The following P2RX7 variants were observed in gnomAD, a reference collection of about 807,000 sequenced individuals.
The protein encoded by P2RX7 is purinergic receptor P2X 7, also known as P2X purinoceptor 7.
Under a neutral mutation model 71.6 loss-of-function variants are expected in P2RX7, and 62 were observed. The observed-to-expected ratio is 0.87, with a 90% CI of 0.71 to 1.07. The LOEUF (loss-of-function observed/expected upper bound fraction) is 1.07. P2RX7 is among the 50% of genes least tolerant of loss of function. The pLI is 0.00. For missense variants in P2RX7, 686 were observed against 748.5 expected (o/e 0.92, Z 0.97); for synonymous variants, 299 against 283.3 (o/e 1.06, Z -0.56).
intron 3 of P2RX7, among the ~76,000 whole-genome samples, chr12:121,158,933 T>C (rs992035664): frequency 3.9e-5 from 6 of 152,166 alleles, no homozygotes; most frequent in African/African-American, 1.4e-4. Flanking sequence ...TGGCTCTGTA[T>C]TCAAAGGGTT....
At position 121,132,983 on chromosome 12, in the gene P2RX7, T is replaced by C; in HGVS notation, c.13T>C (p.Cys5Arg). 6.2e-7 allele frequency: 1 copy of C among 1,613,876 alleles called. No homozygotes were observed. Among genetic ancestry groups the C allele is most frequent in the Non-Finnish European group, 8.5e-7 (1 of 1,179,986 alleles). The change falls in exon 1 of 13, where the codon TGC becomes CGC. Residue 5 changes from cysteine to arginine, a missense_variant. Cys to Arg is a radical substitution (Grantham distance 180, BLOSUM62 -3). Coordinates refer to ENST00000328963, the MANE Select transcript of P2RX7 (RefSeq NM_002562.6). MPAC[C>R]SCSDVFQYET... The stretch of plus-strand genomic sequence containing the variant: ...GGAGGCTGTCACCATGCCGGCCTGC[T>C]GCAGCTGCAGTGATGTTTTCCAGTA...
At chr12:121,184,264 G>A (rs1884614393) in intron 12 of P2RX7, 41 bp from the exon 13 acceptor site, 3 of 1,533,238 alleles carry the variant, frequency 2.0e-6, no homozygotes, top group South Asian at 2.6e-5. Flanking sequence ...AGAACCTGAG[G>A]GCTTGTCATG....
intron 8 of P2RX7, among the ~76,000 whole-genome samples, chr12:121,167,987 T>C (rs1180996006): frequency 6.6e-6 from 1 of 151,918 alleles, no homozygotes; most frequent in Non-Finnish European, 1.5e-5. Flanking sequence ...AACAAAACTA[T>C]TGGGAAACAG....
intron 2 of P2RX7, chr12:121,155,490 C>CA: frequency 1.1e-6 from 1 of 951,840 alleles, no homozygotes; most frequent in East Asian, 6.1e-5. Context: ...GCAGAATTGC[C>CA]AAAAAAGAGA....
rs1024981813 is a variant in P2RX7, at chr12:121,161,074, CT to C, written c.436+101del. 2.4e-5 allele frequency: 21 copies of C among 888,924 alleles called. No individual in the cohort carries two copies. In the Admixed American group the frequency reaches 2.7e-4, roughly 12 times the overall value. 55.1% of individuals were successfully genotyped at this position (888,924 alleles called of 1,614,324 possible). On this transcript the variant is annotated intron_variant, in intron 4 of 12. Coordinates refer to ENST00000328963, the MANE Select transcript of P2RX7 (RefSeq NM_002562.6). ...TCAGGTCTTCAGCCTCTGCTCTCAG[CT>C]GCCCTCTTCCACCATCACCAAGCCA... is the stretch of plus-strand genomic sequence containing the variant.
At chr12:121,168,069 G>A (rs1881467463) in intron 8 of P2RX7, among the ~76,000 whole-genome samples, 3 of 151,864 alleles carry the variant, frequency 2.0e-5, no homozygotes, top group Non-Finnish European at 2.9e-5. Flanking sequence ...ACCCTCGGGG[G>A]AATTTTCCTC....
chr12:121,175,557 G>A (rs1234263874), intron 9 of P2RX7, 79 bp downstream of exon 9: 8 of 754,670 alleles, frequency 1.1e-5, no homozygotes, highest in Admixed American at 1.8e-5. Flanking sequence ...TCCATGGAGG[G>A]AAGGGTTTTG....
At chr12:121,181,171 G>T (rs1229258927) in intron 12 of P2RX7, among the ~76,000 whole-genome samples, 13 of 152,106 alleles carry the variant, frequency 8.5e-5, no homozygotes, top group Admixed American at 8.5e-4. Context: ...TATGTAAGCG[G>T]TATATACGCG....
chr12:121,158,876 T>C (rs1169380988), intron 3 of P2RX7, among the ~76,000 whole-genome samples: 1 of 152,184 alleles, frequency 6.6e-6, no homozygotes, highest in Non-Finnish European at 1.5e-5. Flanking sequence ...TCCATGACTA[T>C]CAAGACCTAC....
intron 5 of P2RX7, 108 bp from the exon 6 acceptor site, chr12:121,165,249 G>A: frequency 1.3e-6 from 1 of 780,906 alleles, no homozygotes; most frequent in Non-Finnish European, 2.2e-6. Flanking sequence ...TTCTCTTCAT[G>A]TATCCCAAAG....
rs1418007367 is a variant in P2RX7, at chr12:121,170,081, C to G, written c.881+2457C>G. Among the ~76,000 whole-genome samples, 4 of 152,280 alleles carry G rather than the reference C, an allele frequency of 2.6e-5. No individual in the cohort carries two copies. The East Asian group carries it at 5.8e-4, about 22-fold the overall frequency. ...ACGTTTGAGTTTGAAACCCTTGACT[C>G]AAAGGCGGGCTGATGCTTTTTGCTT... On this transcript the variant is annotated intron_variant, in intron 8 of 12. Coordinates refer to ENST00000328963, the MANE Select transcript of P2RX7 (RefSeq NM_002562.6).
chr12:121,144,238 C>A (rs1875649785), intron 1 of P2RX7, among the ~76,000 whole-genome samples: 1 of 152,194 alleles, frequency 6.6e-6, no homozygotes, highest in Non-Finnish European at 1.5e-5. Context: ...CGCTCTGTCG[C>A]CCAGGCTGGA....
intron 11 of P2RX7, 39 bp downstream of exon 11, chr12:121,177,485 A>C (rs1407309184): frequency 6.3e-7 from 1 of 1,585,940 alleles, no homozygotes; most frequent in Non-Finnish European, 8.6e-7. Context: ...AGACATGGAG[A>C]GATTCCATGA....
At chr12:121,143,767 G>A (rs1048660383) in intron 1 of P2RX7, among the ~76,000 whole-genome samples, 2 of 151,752 alleles carry the variant, frequency 1.3e-5, no homozygotes, top group Non-Finnish European at 2.9e-5. Context: ...CAGGAGAATC[G>A]CTTGAACTCA....
intron 8 of P2RX7, among the ~76,000 whole-genome samples, chr12:121,173,375 G>A (rs1882539038): frequency 6.6e-6 from 1 of 152,102 alleles, no homozygotes; most frequent in Non-Finnish European, 1.5e-5. Flanking sequence ...TAGTAGAGAT[G>A]GGGTTTCATC....
At chr12:121,182,854 T>A (rs1311804152) in intron 12 of P2RX7, among the ~76,000 whole-genome samples, 1 of 152,236 alleles carries the variant, frequency 6.6e-6, no homozygotes, top group Non-Finnish European at 1.5e-5. Flanking sequence ...AATTTTTAAA[T>A]TTTTTAAACT....
At chr12:121,172,751 C>A (rs1882441910) in intron 8 of P2RX7, among the ~76,000 whole-genome samples, 1 of 152,222 alleles carries the variant, frequency 6.6e-6, no homozygotes, top group Admixed American at 6.5e-5. Flanking sequence ...CAGAAAGAGC[C>A]ACTAAAGTGC....
intron 12 of P2RX7, among the ~76,000 whole-genome samples, chr12:121,184,064 CAA>C (rs34044134): frequency 1.4e-3 from 185 of 129,134 alleles, no homozygotes; most frequent in Non-Finnish European, 1.3e-3. Flanking sequence ...GACCCTCTCT[CAA>C]AAAAAAAAAA....
chr12:121,162,983 G>GGA (rs1555226266), intron 5 of P2RX7, among the ~76,000 whole-genome samples: 59 of 151,882 alleles, frequency 3.9e-4, no homozygotes, highest in African/African-American at 1.3e-3. Context: ...AAGAGGGGGG[G>GGA]AAGGAAGTTT....
Sources: gnomAD v4.1 joint callset for allele counts (sites outside exome capture counted in the v4.1 genomes callset) on GRCh38, gnomAD v4.1.1 for gene constraint, MANE v1.5 for transcripts, NCBI Gene and HGNC (gene_info 2026-07-23, HGNC 2026-07-21) for gene names.